NEO1: variants seen among roughly 807,000 people sequenced by gnomAD.
NEO1 encodes neogenin 1.
Under a neutral mutation model 159.7 loss-of-function variants are expected in NEO1, and 63 were observed. The ratio of observed to expected loss-of-function variants is 0.39; its 90% confidence interval spans 0.32 to 0.49. The LOEUF is 0.49. NEO1 is among the 20% of genes least tolerant of loss of function. The pLI is 0.85. For synonymous variants in NEO1, 633 were observed against 662.0 expected (o/e 0.96, Z 0.67); for missense variants, 1,615 against 1,831.0 (o/e 0.88, Z 2.15).
At chr15:73,231,768 G>T (rs2150826969) in intron 7 of NEO1, among the ~76,000 whole-genome samples, 1 of 152,254 alleles carries the variant, frequency 6.6e-6, no homozygotes, top group Middle Eastern at 3.4e-3. Flanking sequence ...ATGGGACTTT[G>T]GGGGCATGGG....
chr15:73,145,852 A>G (rs990265699), intron 5 of NEO1, among the ~76,000 whole-genome samples: 2 of 152,130 alleles, frequency 1.3e-5, no homozygotes, highest in African/African-American at 4.8e-5. Flanking sequence ...TTATCTTGAA[A>G]GGATCATTTT....
chr15:73,291,495 A>G (rs996807893), intron 25 of NEO1, among the ~76,000 whole-genome samples: 2 of 152,146 alleles, frequency 1.3e-5, no homozygotes, highest in African/African-American at 4.8e-5. Flanking sequence ...TGTGGTCTTT[A>G]GGTTTTCAGA....
chr15:73,221,195 A>G (rs930681131), intron 7 of NEO1, among the ~76,000 whole-genome samples: 2 of 152,238 alleles, frequency 1.3e-5, no homozygotes, highest in African/African-American at 4.8e-5. Context: ...GGTCCACTCC[A>G]GACCCTGTTT....
chr15:73,173,107 TAGAA>T (rs2035068749), intron 5 of NEO1, among the ~76,000 whole-genome samples: 1 of 152,192 alleles, frequency 6.6e-6, no homozygotes, highest in South Asian at 2.1e-4. Flanking sequence ...TTGTTCTAAA[TAGAA>T]AGACTCACAG....
chr15:73,065,070 T>A (rs1462378519), intron 1 of NEO1, among the ~76,000 whole-genome samples: 1 of 151,830 alleles, frequency 6.6e-6, no homozygotes, highest in East Asian at 1.9e-4. Context: ...TTTAACTTGT[T>A]ATTTGTATGA....
intron 5 of NEO1, among the ~76,000 whole-genome samples, chr15:73,148,988 C>G (rs535883611): frequency 6.6e-6 from 1 of 151,924 alleles, no homozygotes; most frequent in East Asian, 1.9e-4. Context: ...ACCCTCCATT[C>G]CTTGTTTAGA....
chr15:73,209,519 T>G (rs1258039467), intron 7 of NEO1, among the ~76,000 whole-genome samples: 1 of 152,244 alleles, frequency 6.6e-6, no homozygotes, highest in Non-Finnish European at 1.5e-5. Flanking sequence ...TTGATTGCTT[T>G]CTTTGAGCTC....
At chr15:73,288,225 CAGAA>C (rs1169513122) in intron 23 of NEO1, 84 bp from the exon 24 acceptor site, 52 of 1,274,504 alleles carry the variant, frequency 4.1e-5, no homozygotes, top group Non-Finnish European at 5.5e-5. Flanking sequence ...AAACATCTCT[CAGAA>C]AGGAAGTTTT....
chr15:73,061,886 G>A (rs2067996918), intron 1 of NEO1, among the ~76,000 whole-genome samples: 2 of 152,156 alleles, frequency 1.3e-5, no homozygotes, highest in African/African-American at 2.4e-5. Context: ...TGTGTTGATA[G>A]CCATATGAAA....
intron 7 of NEO1, among the ~76,000 whole-genome samples, chr15:73,214,168 G>T (rs899239133): frequency 1.2e-4 from 18 of 152,108 alleles, no homozygotes; most frequent in Non-Finnish European, 1.9e-4. Flanking sequence ...TTAGTCCTTT[G>T]TCAGCTTGTT....
chr15:73,176,415 T>A lies in NEO1; in HGVS notation c.1028T>A (p.Phe343Tyr). 1 of 1,554,516 alleles carries A rather than the reference T, an allele frequency of 6.4e-7. No individual in the cohort carries two copies. The highest frequency in any genetic ancestry group is 8.7e-7 in the Non-Finnish European group (1 of 1,149,324). ...TTTTATTTTAAAGCTCAACCTGAAT[T>A]CCTGAAGCAGCCTACTAATATATAT... ...AELTVQAQPE[F>Y]LKQPTNIYAH... The change falls in exon 6 of 29, where the codon TTC becomes TAC. Residue 343 changes from phenylalanine to tyrosine, a missense_variant. Physicochemically the swap from Phe to Tyr is conservative, Grantham distance 22. Coordinates refer to ENST00000261908, the MANE Select transcript of NEO1 (RefSeq NM_002499.4).
In NEO1 at chr15:73,246,395, T is replaced by A. The variant is rs976163279; in HGVS notation, c.1606+1897T>A. On this transcript the variant is annotated intron_variant, in intron 9 of 28. Coordinates refer to ENST00000261908, the MANE Select transcript of NEO1 (RefSeq NM_002499.4). ...CAGGCAGAATGTTGAATTTTACAGT[T>A]ACCTATGTTCAGACAAGAGCAGGAA... Among the ~76,000 whole-genome samples, 5 of 152,312 alleles carry A rather than the reference T, an allele frequency of 3.3e-5. No homozygotes were observed. In the East Asian group the frequency reaches 9.7e-4, roughly 29 times the overall value.
In NEO1 at chr15:73,249,144, C is replaced by T. The variant is rs1380745711; in HGVS notation, c.1691C>T (p.Ser564Phe). ...ACTGTTACGTGGGAAACACCAGTGTCTGGCAATGGGGAAATTCAGAATTAT... is the reference window on the plus strand; with the variant it reads ...ACTGTTACGTGGGAAACACCAGTGTTTGGCAATGGGGAAATTCAGAATTAT... ...SITVTWETPV[S>F]GNGEIQNYKL... The change falls in exon 10 of 29, where the codon TCT (serine) becomes TTT (phenylalanine). Residue 564 changes from serine to phenylalanine, a missense_variant. Transcript: ENST00000261908. 9.9e-6 allele frequency: 16 copies of T among 1,613,930 alleles called. No individual in the cohort carries two copies. Among genetic ancestry groups the T allele is most frequent in the Non-Finnish European group, 1.1e-5 (13 of 1,179,940 alleles).
At chr15:73,081,469 C>A (rs571699218) in intron 1 of NEO1, among the ~76,000 whole-genome samples, 1 of 152,138 alleles carries the variant, frequency 6.6e-6, no homozygotes, top group Non-Finnish European at 1.5e-5. Context: ...TTTTACTTTT[C>A]CTAAAATTCC....
At chr15:73,128,795 C>T (rs1405970202) in intron 4 of NEO1, among the ~76,000 whole-genome samples, 3 of 152,086 alleles carry the variant, frequency 2.0e-5, no homozygotes, top group Non-Finnish European at 2.9e-5. Context: ...CCAGGGTATG[C>T]ACATCATGAT....
intron 1 of NEO1, among the ~76,000 whole-genome samples, chr15:73,098,289 A>G (rs1285005186): frequency 6.6e-6 from 1 of 152,050 alleles, no homozygotes; most frequent in East Asian, 1.9e-4. Flanking sequence ...GGTTTGTCTA[A>G]TTTATACTTT....
At chr15:73,072,665 G>A (rs1402730485) in intron 1 of NEO1, among the ~76,000 whole-genome samples, 1 of 152,164 alleles carries the variant, frequency 6.6e-6, no homozygotes, top group Non-Finnish European at 1.5e-5. Flanking sequence ...TAAATAAAGT[G>A]ACCATCATAA....
chr15:73,272,929 C>A (rs2041239107), intron 19 of NEO1, among the ~76,000 whole-genome samples: 1 of 145,736 alleles, frequency 6.9e-6, no homozygotes, highest in African/African-American at 2.6e-5. Flanking sequence ...TAGAGTAATA[C>A]CCAATAAACA....
intron 7 of NEO1, among the ~76,000 whole-genome samples, chr15:73,228,867 G>A (rs2038747905): frequency 1.3e-5 from 2 of 151,964 alleles, no homozygotes; most frequent in Non-Finnish European, 2.9e-5. Context: ...TGACACCTTG[G>A]CCAAAAATCA....
Sources: allele counts gnomAD v4.1 joint callset (sites outside exome capture counted in the v4.1 genomes callset), GRCh38; gene constraint gnomAD v4.1.1; transcripts MANE v1.5; gene names NCBI Gene and HGNC (gene_info 2026-07-23, HGNC 2026-07-21).